The following ZBTB20 variants were observed in gnomAD, a reference collection of about 807,000 sequenced individuals.
ZBTB20 encodes zinc finger and BTB domain-containing protein 20.
A neutral mutation model predicts 56.9 loss-of-function variants in ZBTB20; 9 were observed. That is an observed-to-expected ratio of 0.16 (90% CI 0.10 to 0.28). The LOEUF (loss-of-function observed/expected upper bound fraction) is 0.28, where lower values mean the gene tolerates loss of function less well. Ranked by LOEUF, ZBTB20 falls within the 10% of genes least tolerant of loss-of-function variation. The probability of loss-of-function intolerance (pLI) is 1.00; values close to 1 mark genes in which losing one functional copy is unlikely to be tolerated. For synonymous variants in ZBTB20, 417 were observed against 420.7 expected (o/e 0.99, Z 0.11); for missense variants, 655 against 1,003.0 (o/e 0.65, Z 4.69).
chr3:114,719,854 C>T (rs954380895), intron 5 of ZBTB20, among the ~76,000 whole-genome samples: 1 of 151,924 alleles, frequency 6.6e-6, no homozygotes. Flanking sequence ...TAAGATTCTT[C>T]CTGTCAGTAT....
chr3:114,394,617 T>G (rs553227679), intron 7 of ZBTB20, among the ~76,000 whole-genome samples: 29 of 152,284 alleles, frequency 1.9e-4, no homozygotes, highest in Non-Finnish European at 4.0e-4. Context: ...TGATTCAGCA[T>G]GTCTGGGGTG....
chr3:115,046,018 G>A (rs2081321574), intron 2 of ZBTB20, among the ~76,000 whole-genome samples: 1 of 152,132 alleles, frequency 6.6e-6, no homozygotes, highest in Non-Finnish European at 1.5e-5. Flanking sequence ...TAGATCAGGT[G>A]AAATTTTTAT....
intron 7 of ZBTB20, among the ~76,000 whole-genome samples, chr3:114,402,194 G>T (rs2086884080): frequency 6.6e-6 from 1 of 152,096 alleles, no homozygotes; most frequent in Non-Finnish European, 1.5e-5. Context: ...CCACTTTGAG[G>T]ACCAGCACCT....
chr3:115,026,724 CTG>C (rs1051617310), intron 2 of ZBTB20, among the ~76,000 whole-genome samples: 39 of 150,922 alleles, frequency 2.6e-4, no homozygotes, highest in Admixed American at 2.4e-3. Context: ...TACCTTGACT[CTG>C]TGCCTCTTTT....
At chr3:114,477,883 T>C (rs968064141) in intron 7 of ZBTB20, among the ~76,000 whole-genome samples, 3 of 102,974 alleles carry the variant, frequency 2.9e-5, no homozygotes, top group Non-Finnish European at 6.3e-5. Context: ...TCCTTCCTTT[T>C]TTCTTTCTTT....
intron 6 of ZBTB20, among the ~76,000 whole-genome samples, chr3:114,603,546 A>G (rs943376567): frequency 6.6e-6 from 1 of 151,994 alleles, no homozygotes; most frequent in African/African-American, 2.4e-5. Context: ...AGCTACATAG[A>G]AAAGATTAGT....
chr3:115,023,194 G>T (rs568579490), intron 2 of ZBTB20, among the ~76,000 whole-genome samples: 2 of 151,014 alleles, frequency 1.3e-5, no homozygotes, highest in East Asian at 1.9e-4. Context: ...AGAAATGGAA[G>T]AAAGAACTAG....
intron 3 of ZBTB20, among the ~76,000 whole-genome samples, chr3:114,903,283 T>G (rs901519548): frequency 1.3e-5 from 2 of 152,144 alleles, no homozygotes; most frequent in African/African-American, 4.8e-5. Flanking sequence ...AGGTTGTCTA[T>G]GCAGGTTATA....
intron 2 of ZBTB20, among the ~76,000 whole-genome samples, chr3:115,060,742 A>G (rs1053369442): frequency 6.6e-6 from 1 of 152,158 alleles, no homozygotes; most frequent in Non-Finnish European, 1.5e-5. Context: ...CATTTTATCA[A>G]ATCCCTTGTT....
chr3:114,554,821 G>T (rs2051004538), intron 6 of ZBTB20, among the ~76,000 whole-genome samples: 2 of 152,112 alleles, frequency 1.3e-5, no homozygotes, highest in South Asian at 4.1e-4. Flanking sequence ...CAGCTACAAA[G>T]AACCTTACCA....
At chr3:115,146,376 C>CGGGG (rs144727550) in intron 1 of ZBTB20, among the ~76,000 whole-genome samples, 7 of 135,756 alleles carry the variant, frequency 5.2e-5, no homozygotes, top group South Asian at 2.4e-4. Context: ...CAGCTGGGGG[C>CGGGG]GGGGGGTGGG....
At chr3:114,398,740 TC>T (rs1576589778) in intron 7 of ZBTB20, among the ~76,000 whole-genome samples, 2 of 152,198 alleles carry the variant, frequency 1.3e-5, no homozygotes, top group Admixed American at 1.3e-4. Context: ...AAGGATATTT[TC>T]CTACTTAAGG....
intron 7 of ZBTB20, among the ~76,000 whole-genome samples, chr3:114,389,558 T>C (rs2085574975): frequency 6.6e-6 from 1 of 152,014 alleles, no homozygotes; most frequent in Non-Finnish European, 1.5e-5. Flanking sequence ...TTTTGATACA[T>C]GTATACATTG....
intron 4 of ZBTB20, among the ~76,000 whole-genome samples, chr3:114,885,602 C>A (rs1003530696): frequency 3.3e-5 from 5 of 151,282 alleles, no homozygotes; most frequent in Admixed American, 6.6e-5. Context: ...AGATACAAGA[C>A]AAACTAAAAC....
At chr3:114,341,557 T>A (rs1413417267) in intron 11 of ZBTB20, among the ~76,000 whole-genome samples, 1 of 152,238 alleles carries the variant, frequency 6.6e-6, no homozygotes, top group East Asian at 1.9e-4. Flanking sequence ...TCACCTTCTG[T>A]GTGTTTTTCC....
chr3:115,128,448 G>A (rs2084397509), intron 1 of ZBTB20, among the ~76,000 whole-genome samples: 2 of 151,982 alleles, frequency 1.3e-5, no homozygotes, highest in African/African-American at 4.8e-5. Context: ...TGGATCTTCT[G>A]AGGTCAGGAG....
At chr3:114,458,378 A>C (rs186245901) in intron 7 of ZBTB20, among the ~76,000 whole-genome samples, 5 of 152,210 alleles carry the variant, frequency 3.3e-5, no homozygotes, top group African/African-American at 4.8e-5. Flanking sequence ...TGATCAGTGT[A>C]TAGTAGCTAT....
At chr3:114,812,781 G>A (rs1259028639) in intron 4 of ZBTB20, among the ~76,000 whole-genome samples, 2 of 152,244 alleles carry the variant, frequency 1.3e-5, no homozygotes, top group South Asian at 2.1e-4. Context: ...GGCCGCACAG[G>A]AGCCCACGTA....
chr3:114,937,572 C>T (rs1307604003), intron 3 of ZBTB20, among the ~76,000 whole-genome samples: 1 of 151,964 alleles, frequency 6.6e-6, no homozygotes, highest in Non-Finnish European at 1.5e-5. Flanking sequence ...CAGGCGCATC[C>T]TACCACATCC....
Sources: gnomAD v4.1 joint callset for allele counts (sites outside exome capture counted in the v4.1 genomes callset) on GRCh38, gnomAD v4.1.1 for gene constraint, MANE v1.5 for transcripts, NCBI Gene and HGNC (gene_info 2026-07-23, HGNC 2026-07-21) for gene names.